The following DOCK8 variants were observed in gnomAD, a reference collection of about 807,000 sequenced individuals.
DOCK8 encodes the protein dedicator of cytokinesis protein 8.
DOCK8 carries 141 observed loss-of-function variants against 245.6 expected under a neutral mutation model. That is an observed-to-expected ratio of 0.57 (90% CI 0.50 to 0.66). DOCK8 has a LOEUF of 0.66. DOCK8 is among the 30% of genes least tolerant of loss of function. The probability of loss-of-function intolerance (pLI) is 0.00; values close to 1 mark genes in which losing one functional copy is unlikely to be tolerated. For missense variants in DOCK8, 2,965 were observed against 2,603.4 expected, an observed-to-expected ratio of 1.14 and a Z score of -3.02; for synonymous variants, 1,168 against 970.2, an observed-to-expected ratio of 1.20 and a Z score of -3.79.
intron 5 of DOCK8, among the ~76,000 whole-genome samples, chr9:311,632 G>C (rs1484148623): frequency 1.3e-5 from 2 of 151,862 alleles, no homozygotes; most frequent in Non-Finnish European, 2.9e-5. Flanking sequence ...AAGAGGCTTG[G>C]CCCCCCCAGC....
At chr9:310,177 G>C (rs1279196982) in intron 5 of DOCK8, among the ~76,000 whole-genome samples, 2 of 151,712 alleles carry the variant, frequency 1.3e-5, no homozygotes, top group African/African-American at 4.8e-5. Flanking sequence ...TGAGGCAAAA[G>C]AATCACTTGA....
chr9:305,689 G>C (rs2130611212), intron 5 of DOCK8, among the ~76,000 whole-genome samples: 1 of 152,290 alleles, frequency 6.6e-6, no homozygotes, highest in Admixed American at 6.5e-5. Flanking sequence ...TTTTTTAAAT[G>C]CCTGGGGTCA....
intron 33 of DOCK8, among the ~76,000 whole-genome samples, chr9:423,040 T>G (rs1355669398): frequency 6.6e-6 from 1 of 152,010 alleles, no homozygotes; most frequent in Non-Finnish European, 1.5e-5. Flanking sequence ...GTCAATGTAT[T>G]TTTTAAAGGC....
intron 1 of DOCK8, among the ~76,000 whole-genome samples, chr9:253,807 A>G (rs1179060293): frequency 6.6e-6 from 1 of 152,198 alleles, no homozygotes; most frequent in African/African-American, 2.4e-5. Context: ...CCTGTTAATT[A>G]TCATGGATCA....
rs1341756091 is a variant in DOCK8 at position 371,467 on chromosome 9, C to T, written c.1908C>T (p.Pro636=). 20 of 1,614,062 alleles carry T rather than the reference C, an allele frequency of 1.2e-5. No individual in the cohort carries two copies. The highest frequency in any genetic ancestry group is 4.5e-5 in the East Asian group (2 of 44,902). The stretch of plus-strand genomic sequence containing the variant: ...ATGAAGAAGTGAAAATTAAGCTCCC[C>T]GCTAAGCTCACAGTAAATCACCACC... ...DFYEEVKIKL[P]AKLTVNHHLL... The change falls in exon 17 of 48, where the codon CCC becomes CCT. Residue 636 remains proline (P), a synonymous_variant. Coordinates refer to ENST00000432829, the MANE Select transcript of DOCK8 (RefSeq NM_203447.4).
At chr9:429,311 G>C (rs773722994) in intron 35 of DOCK8, among the ~76,000 whole-genome samples, 2 of 152,102 alleles carry the variant, frequency 1.3e-5, no homozygotes, top group Non-Finnish European at 2.9e-5. Context: ...CTTCTACATG[G>C]GGTCTTTTAA....
At chr9:408,129 G>A (rs930711458) in intron 28 of DOCK8, among the ~76,000 whole-genome samples, 9 of 152,200 alleles carry the variant, frequency 5.9e-5, no homozygotes, top group Non-Finnish European at 4.4e-5. Context: ...ATTAATGGTA[G>A]CATTGCTGTA....
intron 22 of DOCK8, 109 bp downstream of exon 22, chr9:382,794 C>A (rs747201285): frequency 2.1e-6 from 3 of 1,422,680 alleles, no homozygotes; most frequent in South Asian, 1.2e-5. Flanking sequence ...CCATGCTGGT[C>A]GGATGCTTTA....
chr9:252,681 G>C (rs2047677556), intron 1 of DOCK8, among the ~76,000 whole-genome samples: 1 of 151,494 alleles, frequency 6.6e-6, no homozygotes, highest in Admixed American at 6.6e-5. Flanking sequence ...ATGCATGCCT[G>C]TAGCCCCAGC....
At chr9:291,068 G>T (rs536237692) in intron 4 of DOCK8, among the ~76,000 whole-genome samples, 7 of 152,154 alleles carry the variant, frequency 4.6e-5, no homozygotes, top group Non-Finnish European at 1.0e-4. Context: ...ATAAATAAAA[G>T]ATTTCAGAAC....
chr9:256,981 C>A (rs1227206018), intron 1 of DOCK8, among the ~76,000 whole-genome samples: 1 of 152,214 alleles, frequency 6.6e-6, no homozygotes, highest in Non-Finnish European at 1.5e-5. Context: ...CCTGAGCCTG[C>A]TCTCCTTCTC....
intron 1 of DOCK8, among the ~76,000 whole-genome samples, chr9:244,686 C>G (rs1239452859): frequency 6.6e-6 from 1 of 152,106 alleles, no homozygotes; most frequent in Non-Finnish European, 1.5e-5. Context: ...GTGGCCAAAC[C>G]TATTCAGGTC....
intron 14 of DOCK8, among the ~76,000 whole-genome samples, chr9:348,180 G>GCAT (rs2051997038): frequency 6.6e-6 from 1 of 152,180 alleles, no homozygotes; most frequent in Non-Finnish European, 1.5e-5. Flanking sequence ...ACCAAGAGAT[G>GCAT]CATCCCTTAA....
chr9:270,493 G>T (rs948892583), intron 1 of DOCK8, among the ~76,000 whole-genome samples: 2 of 152,136 alleles, frequency 1.3e-5, no homozygotes, highest in African/African-American at 4.8e-5. Context: ...GCCAAAGTTG[G>T]GACAAGAGCC....
chr9:399,924 C>A (rs1164604765), intron 26 of DOCK8, among the ~76,000 whole-genome samples: 3 of 151,554 alleles, frequency 2.0e-5, no homozygotes, highest in Non-Finnish European at 4.4e-5. Context: ...ACTACTACCA[C>A]CAGCCACCAC....
intron 8 of DOCK8, among the ~76,000 whole-genome samples, chr9:326,051 G>T (rs2050752952): frequency 6.6e-6 from 1 of 152,142 alleles, no homozygotes; most frequent in Non-Finnish European, 1.5e-5. Flanking sequence ...GCTTGGATGC[G>T]CATGTAAAGC....
intron 26 of DOCK8, among the ~76,000 whole-genome samples, chr9:402,738 T>A (rs1166011800): frequency 6.6e-6 from 1 of 152,206 alleles, no homozygotes; most frequent in Non-Finnish European, 1.5e-5. Context: ...ACAAATCCAT[T>A]TCCTCAATTA....
At position 400,995 on chromosome 9, in the gene DOCK8, C is replaced by CCACCACCTCCTCCACCAT. The variant is rs2055052331; in HGVS notation, c.3234+1743_3234+1744insTCCTCCACCATCACCACC. Among the ~76,000 whole-genome samples, 22 of 54,604 alleles carry CCACCACCTCCTCCACCAT rather than the reference C, an allele frequency of 4.0e-4. 1 individual carries two copies. The highest frequency in any genetic ancestry group is 6.5e-4 in the East Asian group (1 of 1,550). 35.8% of individuals were successfully genotyped at this position (54,604 alleles called of 152,430 possible). Reference sequence around the variant, plus strand: ...TCCACCATCACCACCTCCTCCACCACCACCACCATTAGCTCCACCATGACC... The same window carrying CCACCACCTCCTCCACCAT: ...TCCACCATCACCACCTCCTCCACCACCACCACCTCCTCCACCATCACCACCATTAGCTCCACCATGACC... On this transcript the variant is annotated intron_variant, in intron 26 of 47. Transcript: ENST00000432829.
rs2051851145 is a variant in DOCK8 at position 345,743 on chromosome 9, GCA to G, written c.1679+5424_1679+5425del. Among the ~76,000 whole-genome samples the G allele has an allele frequency of 4.6e-5, 7 of 152,244 alleles. No individual in the cohort carries two copies. The South Asian group carries it at 1.2e-3, about 27-fold the overall frequency. ...TGCCCCTTCAGGTGTCCTGCGTGGGGCACCATTCGAGTTGCATTCTAGTGTAT... is the reference window on the plus strand; with the variant it reads ...TGCCCCTTCAGGTGTCCTGCGTGGGGCCATTCGAGTTGCATTCTAGTGTAT... On this transcript the variant is annotated intron_variant, in intron 14 of 47. Transcript: ENST00000432829.
Sources: gnomAD v4.1 joint callset for allele counts (sites outside exome capture counted in the v4.1 genomes callset) on GRCh38, gnomAD v4.1.1 for gene constraint, MANE v1.5 for transcripts, NCBI Gene and HGNC (gene_info 2026-07-23, HGNC 2026-07-21) for gene names.